COG7: variants seen among roughly 807,000 people sequenced by gnomAD.
COG7 encodes the protein conserved oligomeric Golgi complex subunit 7.
A neutral mutation model predicts 91.5 loss-of-function variants in COG7; 49 were observed. That is an observed-to-expected ratio of 0.54 (90% CI 0.43 to 0.68). The LOEUF (loss-of-function observed/expected upper bound fraction) is 0.68. Among genes scored for constraint, COG7 ranks in the 30% least tolerant of loss-of-function variants. The pLI, the probability that COG7 is intolerant of heterozygous loss-of-function variation, is 0.00. For missense variants in COG7, 895 were observed against 961.3 expected (o/e 0.93, Z 0.91); for synonymous variants, 365 against 388.7 (o/e 0.94, Z 0.72).
chr16:23,427,339 G>A (rs1185645171), intron 6 of COG7, among the ~76,000 whole-genome samples: 1 of 151,958 alleles, frequency 6.6e-6, no homozygotes, highest in African/African-American at 2.4e-5. Flanking sequence ...CCAAGATGTG[G>A]TGGTGGGCAC....
At chr16:23,395,411 C>A (rs1022911521) in intron 14 of COG7, among the ~76,000 whole-genome samples, 1 of 152,212 alleles carries the variant, frequency 6.6e-6, no homozygotes, top group Non-Finnish European at 1.5e-5. Context: ...ATTTGGTATA[C>A]CTTTCATCTG....
Position 23,437,546 on chromosome 16 carries a change from G to A in COG7, c.605-2828C>T, listed in dbSNP as rs528138132. Among the ~76,000 whole-genome samples the A allele has an allele frequency of 2.3e-3, 354 of 152,304 alleles. 2 individuals carry two copies. The highest frequency in any genetic ancestry group is 3.1e-3 in the Non-Finnish European group (208 of 68,038). On this transcript the variant is annotated intron_variant, in intron 4 of 16. Coordinates refer to ENST00000307149, the MANE Select transcript of COG7 (RefSeq NM_153603.4). Reference sequence around the variant, plus strand: ...AATGAGGAAGAGAGGGAATTACAGGGCTGGAGATGAGTACTGAGGCCATTC... The same window carrying A: ...AATGAGGAAGAGAGGGAATTACAGGACTGGAGATGAGTACTGAGGCCATTC...
intron 14 of COG7, among the ~76,000 whole-genome samples, chr16:23,395,912 C>G (rs1401588209): frequency 6.6e-6 from 1 of 152,218 alleles, no homozygotes; most frequent in African/African-American, 2.4e-5. Context: ...GTCAGGACCT[C>G]GGATCATCAT....
At chr16:23,405,786 GGATTACAGGTGT>G (rs1380337307) in intron 12 of COG7, among the ~76,000 whole-genome samples, 2 of 152,036 alleles carry the variant, frequency 1.3e-5, no homozygotes, top group African/African-American at 2.4e-5. Flanking sequence ...CAAAGTGCTG[GGATTACAGGTGT>G]GAGCCACCAC....
intron 6 of COG7, among the ~76,000 whole-genome samples, chr16:23,426,061 A>G (rs1963841207): frequency 6.6e-6 from 1 of 152,068 alleles, no homozygotes; most frequent in African/African-American, 2.4e-5. Context: ...TAAAAATACA[A>G]AAAAATTAGC....
chr16:23,451,662 T>G (rs965678379), intron 1 of COG7, among the ~76,000 whole-genome samples: 3 of 144,262 alleles, frequency 2.1e-5, no homozygotes, highest in African/African-American at 7.8e-5. Context: ...GAGGCTGCAG[T>G]GAACTATGAT....
At chr16:23,425,056 TC>T in intron 6 of COG7, 109 bp from the exon 7 acceptor site, 1 of 921,490 alleles carries the variant, frequency 1.1e-6, no homozygotes, top group Non-Finnish European at 1.7e-6. Flanking sequence ...ATGCCTATAA[TC>T]CCAGCACCTT....
At chr16:23,439,304 CAA>C (rs904010571) in intron 4 of COG7, among the ~76,000 whole-genome samples, 1,369 of 38,756 alleles carry the variant, frequency 0.035, 21 homozygotes, top group African/African-American at 0.06. Context: ...ACTGTGTCTC[CAA>C]AAAAAAAAAA....
intron 14 of COG7, 192 bp from the exon 15 acceptor site, chr16:23,393,539 A>G (rs1178155321): frequency 3.7e-5 from 22 of 601,364 alleles, no homozygotes; most frequent in Non-Finnish European, 6.6e-5. Context: ...GGTAGCTTGC[A>G]TATAGATTAT....
At chr16:23,410,863 G>A (rs1275751329) in intron 10 of COG7, among the ~76,000 whole-genome samples, 5 of 152,058 alleles carry the variant, frequency 3.3e-5, no homozygotes, top group South Asian at 2.1e-4. Flanking sequence ...ACGCCACCAC[G>A]CCTGGCTAAT....
At position 23,442,666 on chromosome 16, in the gene COG7, G is replaced by C. The variant is rs780488852; in HGVS notation, c.436-21C>G. On this transcript the variant is annotated intron_variant, in intron 3 of 16. Coordinates refer to ENST00000307149, the MANE Select transcript of COG7 (RefSeq NM_153603.4). ...ATGTCCTAGAAAAGACCAGAATAGAGAATATTTATTTTAAATGATCCCTAC... is the reference window on the plus strand; with the variant it reads ...ATGTCCTAGAAAAGACCAGAATAGACAATATTTATTTTAAATGATCCCTAC... The C allele has an allele frequency of 3.1e-6, 5 of 1,602,822 alleles. No individual in the cohort carries two copies. In the African/African-American group the frequency reaches 6.7e-5, roughly 21 times the overall value.
At chr16:23,389,660 C>T (rs1375533430) in intron 16 of COG7, among the ~76,000 whole-genome samples, 3 of 152,118 alleles carry the variant, frequency 2.0e-5, no homozygotes, top group Non-Finnish European at 4.4e-5. Flanking sequence ...GTCAGAACGC[C>T]GCAGTGAAGA....
chr16:23,426,818 C>CAAAA (rs1176659874), intron 6 of COG7, among the ~76,000 whole-genome samples: 244 of 55,766 alleles, frequency 4.4e-3, no homozygotes, highest in Middle Eastern at 0.017. Flanking sequence ...AGCAATTGGA[C>CAAAA]AAAAAAAAAA....
intron 15 of COG7, 118 bp downstream of exon 15, chr16:23,393,115 G>T: frequency 2.7e-6 from 2 of 754,146 alleles, no homozygotes; most frequent in Non-Finnish European, 4.7e-6. Context: ...ATGTTAGAAG[G>T]TTAAAAAAAA....
At chr16:23,408,754 T>C (rs1043964022) in intron 11 of COG7, among the ~76,000 whole-genome samples, 8 of 151,854 alleles carry the variant, frequency 5.3e-5, no homozygotes, top group Non-Finnish European at 1.0e-4. Flanking sequence ...ATAATATAAA[T>C]GAAGTAAATG....
At chr16:23,432,706 T>C (rs1963953440) in intron 6 of COG7, among the ~76,000 whole-genome samples, 3 of 152,120 alleles carry the variant, frequency 2.0e-5, no homozygotes, top group Non-Finnish European at 4.4e-5. Flanking sequence ...AAATGATGGA[T>C]AGTTGCCACT....
chr16:23,443,726 G>T (rs1239688311), intron 3 of COG7, among the ~76,000 whole-genome samples: 1 of 152,010 alleles, frequency 6.6e-6, no homozygotes, highest in Non-Finnish European at 1.5e-5. Context: ...ATTGTTGAGT[G>T]AAAAAATAAA....
intron 4 of COG7, among the ~76,000 whole-genome samples, chr16:23,435,071 T>C (rs1337251458): frequency 6.6e-6 from 1 of 152,152 alleles, no homozygotes; most frequent in Admixed American, 6.6e-5. Flanking sequence ...GAGGAATAAG[T>C]AAATAATTTG....
At chr16:23,451,208 AC>A (rs1459131656) in intron 1 of COG7, among the ~76,000 whole-genome samples, 1 of 152,184 alleles carries the variant, frequency 6.6e-6, no homozygotes, top group Non-Finnish European at 1.5e-5. Context: ...AAACAAAAAA[AC>A]AAACAAAAAT....
Sources: gnomAD v4.1 joint callset for allele counts (sites outside exome capture counted in the v4.1 genomes callset) on GRCh38, gnomAD v4.1.1 for gene constraint, MANE v1.5 for transcripts, NCBI Gene and HGNC (gene_info 2026-07-23, HGNC 2026-07-21) for gene names.